The following CRADD variants were observed in gnomAD, a reference collection of about 807,000 sequenced individuals.
CRADD encodes the protein death domain-containing protein CRADD.
Under a neutral mutation model 15.5 loss-of-function variants are expected in CRADD, and 9 were observed. The ratio of observed to expected loss-of-function variants is 0.58; its 90% CI spans 0.35 to 1.01. The LOEUF is 1.01. Among genes scored for constraint, CRADD ranks in the 50% least tolerant of loss-of-function variants. CRADD has a pLI of 0.02. For missense variants in CRADD, 227 were observed against 250.3 expected, an observed-to-expected ratio of 0.91 and a Z score of 0.63; for synonymous variants, 118 against 107.6, an observed-to-expected ratio of 1.10 and a Z score of -0.60.
intron 2 of CRADD, among the ~76,000 whole-genome samples, chr12:93,886,162 C>CATTTTTTTTTTTTTTTTTTTTTTT (rs1555231623): frequency 1.6e-5 from 2 of 123,948 alleles, no homozygotes; most frequent in Non-Finnish European, 3.3e-5. Flanking sequence ...GCTGCTGATG[C>CATTTTTTTTTTTTTTTTTTTTTTT]TTTTTTTTTT....
rs139698589 is a variant in CRADD, at chr12:93,799,338, C to A, written c.299-50632C>A. On this transcript the variant is annotated intron_variant, in intron 2 of 2. Coordinates refer to ENST00000332896, the MANE Select transcript of CRADD (RefSeq NM_003805.5). ...GTCACCTACAGTGGCCACATTCAGA[C>A]AATTTGAAATGCATTTTATATTGTA... Among the ~76,000 whole-genome samples the A allele has an allele frequency of 3.3e-5, 5 of 152,254 alleles. No homozygotes were observed. In the East Asian group the frequency reaches 7.7e-4, roughly 24 times the overall value.
chr12:93,894,230 G>C (rs946773738), exon 3 of CRADD: 12 of 622,698 alleles, frequency 1.9e-5, no homozygotes, highest in Non-Finnish European at 3.3e-5. Context: ...ACAATGTCTG[G>C]AGGCGTTTTT....
intron 2 of CRADD, among the ~76,000 whole-genome samples, chr12:93,877,548 G>A (rs974685317): frequency 2.0e-5 from 3 of 152,186 alleles, no homozygotes; most frequent in African/African-American, 7.2e-5. Context: ...ACCACAAGGT[G>A]CAGATCAGTG....
chr12:93,783,054 C>A (rs1205436454), intron 2 of CRADD, among the ~76,000 whole-genome samples: 1 of 152,014 alleles, frequency 6.6e-6, no homozygotes, highest in Non-Finnish European at 1.5e-5. Flanking sequence ...TGGCAGAAGG[C>A]CTGGGTTATA....
At chr12:93,697,976 T>C (rs771121965) in intron 2 of CRADD, among the ~76,000 whole-genome samples, 14 of 152,236 alleles carry the variant, frequency 9.2e-5, no homozygotes, top group Non-Finnish European at 1.9e-4. Context: ...CTCTCTGTGA[T>C]CTGCATCTTC....
chr12:93,849,740 CAAA>C (rs77041843), intron 2 of CRADD, among the ~76,000 whole-genome samples: 8 of 62,226 alleles, frequency 1.3e-4, no homozygotes, highest in Non-Finnish European at 1.4e-4. Flanking sequence ...AACACCGTCT[CAAA>C]AAAAAAAAAA....
chr12:93,883,558 C>G (rs767908937), intron 2 of CRADD, among the ~76,000 whole-genome samples: 2 of 152,118 alleles, frequency 1.3e-5, no homozygotes, highest in African/African-American at 4.8e-5. Context: ...ATAATTACTC[C>G]TGTAATCCCA....
At chr12:93,872,481 G>A (rs763714474) in intron 2 of CRADD, among the ~76,000 whole-genome samples, 3 of 152,064 alleles carry the variant, frequency 2.0e-5, no homozygotes, top group Admixed American at 6.6e-5. Context: ...TTTTTGCCCA[G>A]GCCAATGTTC....
intron 2 of CRADD, among the ~76,000 whole-genome samples, chr12:93,871,664 A>G (rs1466371170): frequency 6.6e-6 from 1 of 152,120 alleles, no homozygotes; most frequent in Non-Finnish European, 1.5e-5. Flanking sequence ...AGAACATGCA[A>G]TGTTTGTCTT....
intron 2 of CRADD, among the ~76,000 whole-genome samples, chr12:93,813,014 C>T (rs1164574945): frequency 2.0e-4 from 30 of 151,926 alleles, no homozygotes; most frequent in Admixed American, 2.0e-3. Flanking sequence ...CAAATTAGTG[C>T]GGGAAGAAAA....
At chr12:93,730,296 T>C (rs562241908) in intron 2 of CRADD, among the ~76,000 whole-genome samples, 1 of 152,368 alleles carries the variant, frequency 6.6e-6, no homozygotes, top group African/African-American at 2.4e-5. Flanking sequence ...ACTGCTCCTA[T>C]ATATCAGTAT....
intron 2 of CRADD, chr12:93,815,747 C>G (rs1957689808): frequency 6.6e-6 from 1 of 152,140 alleles, no homozygotes. Context: ...TAAACTGAAG[C>G]CCATTCAGTC....
At chr12:93,749,636 A>G (rs1956808450) in intron 2 of CRADD, among the ~76,000 whole-genome samples, 1 of 152,140 alleles carries the variant, frequency 6.6e-6, no homozygotes, top group African/African-American at 2.4e-5. Context: ...AACTATCATC[A>G]TTAATTAAAG....
intron 2 of CRADD, among the ~76,000 whole-genome samples, chr12:93,804,404 T>C (rs139332432): frequency 4.9e-4 from 75 of 152,266 alleles, no homozygotes; most frequent in South Asian, 2.9e-3. Flanking sequence ...TAACCAGGTA[T>C]ATACCAGCTA....
At chr12:93,701,361 C>T (rs966950909) in intron 2 of CRADD, among the ~76,000 whole-genome samples, 1 of 150,650 alleles carries the variant, frequency 6.6e-6, no homozygotes, top group African/African-American at 2.5e-5. Context: ...GGGCTGTGGG[C>T]TGGTGTGACT....
intron 2 of CRADD, among the ~76,000 whole-genome samples, chr12:93,764,312 T>C (rs1380033930): frequency 2.0e-5 from 3 of 151,684 alleles, no homozygotes; most frequent in Non-Finnish European, 2.9e-5. Flanking sequence ...GAGGTGGCCA[T>C]GGCAGAGTTG....
At chr12:93,778,696 G>A (rs1369205541) in intron 2 of CRADD, among the ~76,000 whole-genome samples, 2 of 150,346 alleles carry the variant, frequency 1.3e-5, no homozygotes, top group African/African-American at 2.4e-5. Context: ...ACTATTCATA[G>A]CCACACAGGG....
intron 2 of CRADD, among the ~76,000 whole-genome samples, chr12:93,831,713 G>A (rs1021847464): frequency 3.3e-5 from 5 of 152,222 alleles, no homozygotes; most frequent in East Asian, 1.9e-4. Flanking sequence ...AGTTCACTGC[G>A]GTATATGCCA....
chr12:93,747,874 A>G (rs1956779398), intron 2 of CRADD, among the ~76,000 whole-genome samples: 1 of 152,172 alleles, frequency 6.6e-6, no homozygotes, highest in Non-Finnish European at 1.5e-5. Flanking sequence ...CTGTAAAGAC[A>G]CTGGAGGGTG....
Sources: gnomAD v4.1 joint callset for allele counts (sites outside exome capture counted in the v4.1 genomes callset) on GRCh38, gnomAD v4.1.1 for gene constraint, MANE v1.5 for transcripts, NCBI Gene and HGNC (gene_info 2026-07-23, HGNC 2026-07-21) for gene names.